FBXL20: variants seen among roughly 807,000 people sequenced by gnomAD.
FBXL20 encodes F-box/LRR-repeat protein 20.
Under a neutral mutation model 64.0 loss-of-function variants are expected in FBXL20, and 11 were observed. The observed-to-expected ratio is 0.17, with a 90% CI of 0.11 to 0.28. FBXL20 has a LOEUF of 0.28. Among genes scored for constraint, FBXL20 ranks in the 10% least tolerant of loss-of-function variants. The pLI is 1.00. For synonymous variants in FBXL20, 184 were observed against 189.0 expected (o/e 0.97, Z 0.22); for missense variants, 303 against 526.2 (o/e 0.58, Z 4.15).
chr17:39,260,956 T>C lies in FBXL20; in HGVS notation c.*504A>G, dbSNP rs1021049147. On this transcript the variant is annotated 3_prime_UTR_variant, in exon 15 of 15. Transcript: ENST00000264658. ...ATGTTGGCATGGAAACAAGGAAGCA[T>C]AGAAGCTCTTTAGTCACAATGAATG... 1.3e-5 allele frequency: 2 copies of C among 156,136 alleles called. No individual in the cohort carries two copies. Among genetic ancestry groups the C allele is most frequent in the Non-Finnish European group, 2.9e-5 (2 of 70,068 alleles). The allele number at this position is 156,136 out of a possible 1,614,324, so 9.7% of individuals were successfully genotyped here.
intron 1 of FBXL20, among the ~76,000 whole-genome samples, chr17:39,359,308 C>A (rs1038684038): frequency 7.9e-5 from 12 of 152,088 alleles, no homozygotes; most frequent in Non-Finnish European, 1.2e-4. Context: ...TTCACTCCAG[C>A]CTGAGCGTGG....
At chr17:39,281,012 C>T (rs1359394252) in intron 9 of FBXL20, among the ~76,000 whole-genome samples, 1 of 152,218 alleles carries the variant, frequency 6.6e-6, no homozygotes. Context: ...AGTCTGCCTG[C>T]TTCAGCCTCC....
At position 39,282,854 on chromosome 17, in the gene FBXL20, C is replaced by T; in HGVS notation, c.496G>A (p.Glu166Lys). ...AACTGCTCCAACAGTGGACATCCCT[C>T]ACTTAGGATAAAACAAAATAAGAGA... is the stretch of plus-strand genomic sequence containing the variant. ...ITNMSLKALS[E>K]GCPLLEQLNI... The change falls in exon 8 of 15, where the codon GAG (glutamate) becomes AAG (lysine). Residue 166 changes from glutamate to lysine, a missense_variant and splice_region_variant. Physicochemically the swap from Glu to Lys is moderately conservative, Grantham distance 56. Transcript: ENST00000264658. 6.2e-7 allele frequency: 1 copy of T among 1,614,136 alleles called. No individual in the cohort carries two copies.
At chr17:39,348,337 T>C (rs1307550200) in intron 1 of FBXL20, among the ~76,000 whole-genome samples, 1 of 152,164 alleles carries the variant, frequency 6.6e-6, no homozygotes. Context: ...GACGCACACC[T>C]GTAGTTCCAG....
chr17:39,372,986 T>TA (rs753631076), intron 1 of FBXL20, among the ~76,000 whole-genome samples: 1 of 152,068 alleles, frequency 6.6e-6, no homozygotes, highest in Non-Finnish European at 1.5e-5. Flanking sequence ...TTGATTAAAT[T>TA]AGACTACTTA....
At chr17:39,269,435 C>T (rs374043795) in intron 11 of FBXL20, among the ~76,000 whole-genome samples, 241 of 151,842 alleles carry the variant, frequency 1.6e-3, no homozygotes, top group East Asian at 0.01. Context: ...CCTCGTGATC[C>T]GCCCGCCTCG....
Position 39,282,799 on chromosome 17 carries a change from T to G in FBXL20, c.551A>C (p.Lys184Thr), listed in dbSNP as rs773587709. ...LNISWCDQVT[K>T]DGIQALVRGC... ...CCTCACTAGTGCTTGAATGCCATCC[T>G]TGGTTACTTGGTCACACCAGGAAAT... Residue 184 changes from lysine (K) to threonine (T), a missense_variant, in exon 8 of 15, where the codon AAG becomes ACG. This residue lies in a region of FBXL20 where 246 missense variants were observed against 422.6 expected (regional missense o/e 0.58). Coordinates refer to ENST00000264658, the MANE Select transcript of FBXL20 (RefSeq NM_032875.3). 2.5e-6 allele frequency: 4 copies of G among 1,614,016 alleles called. No individual in the cohort carries two copies. The highest frequency in any genetic ancestry group is 8.5e-7 in the Non-Finnish European group (1 of 1,180,018).
chr17:39,319,792 A>G (rs1296587667), intron 2 of FBXL20, among the ~76,000 whole-genome samples: 2 of 150,940 alleles, frequency 1.3e-5, no homozygotes, highest in African/African-American at 4.9e-5. Context: ...TATTATTTTT[A>G]AAATAGAGAC....
chr17:39,339,114 G>A (rs893959535), intron 2 of FBXL20, among the ~76,000 whole-genome samples: 1 of 143,350 alleles, frequency 7.0e-6, no homozygotes, highest in African/African-American at 2.7e-5. Flanking sequence ...GTTACAGTGA[G>A]CCGAGATCAT....
chr17:39,393,703 GTATAAGTAGGTTACTTACTTAGAGC>G (rs2048156698), intron 1 of FBXL20, among the ~76,000 whole-genome samples: 1 of 152,080 alleles, frequency 6.6e-6, no homozygotes, highest in East Asian at 1.9e-4. Flanking sequence ...CATGATTAGG[GTATAAGTAGGTTACTTACTTAGAGC>G]TATAACTCAA....
Position 39,319,599 on chromosome 17 carries a change from T to C in FBXL20, c.105-15960A>G, listed in dbSNP as rs142967187. 2.0e-5 allele frequency among the ~76,000 whole-genome samples: 3 copies of C among 146,538 alleles called. No individual in the cohort carries two copies. In the East Asian group the frequency reaches 6.1e-4, roughly 30 times the overall value. On this transcript the variant is annotated intron_variant, in intron 2 of 14. Coordinates refer to ENST00000264658, the MANE Select transcript of FBXL20 (RefSeq NM_032875.3). ...AGTCAGGAGGCTGAGGCAGGACAATTGCTTGAACCTGGGAGGCAGAGGTTG... is the reference window on the plus strand; with the variant it reads ...AGTCAGGAGGCTGAGGCAGGACAATCGCTTGAACCTGGGAGGCAGAGGTTG...
intron 12 of FBXL20, among the ~76,000 whole-genome samples, chr17:39,267,849 A>G (rs1225093826): frequency 1.3e-5 from 2 of 152,234 alleles, no homozygotes; most frequent in South Asian, 2.1e-4. Context: ...TCAGGCATGT[A>G]TAAGAGATAA....
intron 9 of FBXL20, among the ~76,000 whole-genome samples, chr17:39,280,097 T>C (rs2046934649): frequency 6.6e-6 from 1 of 151,878 alleles, no homozygotes; most frequent in Non-Finnish European, 1.5e-5. Flanking sequence ...CAGCCAGGTG[T>C]GGTGACGGGC....
intron 2 of FBXL20, among the ~76,000 whole-genome samples, chr17:39,309,804 A>C (rs902062025): frequency 6.6e-6 from 1 of 151,274 alleles, no homozygotes; most frequent in Admixed American, 6.6e-5. Flanking sequence ...AAAAAAAAAA[A>C]AGAAAAGAAA....
At chr17:39,299,411 A>G (rs1192451934) in intron 4 of FBXL20, among the ~76,000 whole-genome samples, 2 of 152,178 alleles carry the variant, frequency 1.3e-5, no homozygotes, top group African/African-American at 2.4e-5. Flanking sequence ...CAGCAACTAC[A>G]TTATTTTTTT....
intron 2 of FBXL20, among the ~76,000 whole-genome samples, chr17:39,337,736 G>A (rs912864513): frequency 6.6e-6 from 1 of 151,752 alleles, no homozygotes; most frequent in African/African-American, 2.4e-5. Context: ...GAAGGGAGGA[G>A]CGTCTCCGAC....
chr17:39,272,977 C>T (rs1446341415), intron 10 of FBXL20, among the ~76,000 whole-genome samples: 1 of 152,138 alleles, frequency 6.6e-6, no homozygotes, highest in Admixed American at 6.6e-5. Context: ...TCTGATATTA[C>T]TAATTTTGAC....
intron 1 of FBXL20, among the ~76,000 whole-genome samples, chr17:39,371,026 C>G (rs2047913559): frequency 6.6e-6 from 1 of 151,924 alleles, no homozygotes; most frequent in South Asian, 2.1e-4. Context: ...CGAGACCAGC[C>G]TGACCACCAT....
At chr17:39,398,431 T>C (rs568625175) in intron 1 of FBXL20, among the ~76,000 whole-genome samples, 2 of 152,312 alleles carry the variant, frequency 1.3e-5, no homozygotes, top group Non-Finnish European at 2.9e-5. Context: ...AAGTTTACCA[T>C]AAATAACATA....
Sources: gnomAD v4.1 joint callset for allele counts (sites outside exome capture counted in the v4.1 genomes callset) on GRCh38, gnomAD v4.1.1 for gene constraint, gnomAD v4.1.1 regional missense constraint, MANE v1.5 for transcripts, NCBI Gene and HGNC (gene_info 2026-07-23, HGNC 2026-07-21) for gene names.